The following PPARGC1B variants were observed in gnomAD, a reference collection of about 807,000 sequenced individuals.
PPARGC1B encodes the protein PPARG coactivator 1 beta.
Under a neutral mutation model 101.6 loss-of-function variants are expected in PPARGC1B, and 34 were observed. That is an observed-to-expected ratio of 0.33 (90% CI 0.25 to 0.45). The LOEUF is 0.45. Ranked by LOEUF, PPARGC1B falls within the 20% of genes least tolerant of loss-of-function variation. The probability of loss-of-function intolerance (pLI) is 1.00; values close to 1 mark genes in which losing one functional copy is unlikely to be tolerated. For missense variants in PPARGC1B, 1,234 were observed against 1,317.6 expected, an observed-to-expected ratio of 0.94 and a Z score of 0.98; for synonymous variants, 548 against 539.3, an observed-to-expected ratio of 1.02 and a Z score of -0.22.
chr5:149,776,631 T>A (rs948270883), intron 1 of PPARGC1B, among the ~76,000 whole-genome samples: 1 of 152,174 alleles, frequency 6.6e-6, no homozygotes, highest in African/African-American at 2.4e-5. Flanking sequence ...GGGTCGTTGG[T>A]GTCAGCTGCA....
At chr5:149,827,481 T>A (rs1344451078) in intron 3 of PPARGC1B, among the ~76,000 whole-genome samples, 2 of 152,252 alleles carry the variant, frequency 1.3e-5, no homozygotes, top group Non-Finnish European at 2.9e-5. Context: ...TTGGTAGGGT[T>A]TCACTGGTTC....
In PPARGC1B at chr5:149,835,255, G is replaced by A. The variant is rs142170945; in HGVS notation, c.1743-46G>A. 1.4e-4 allele frequency: 219 copies of A among 1,583,334 alleles called. 1 individual carries two copies. The African/African-American group carries it at 2.5e-3, about 18-fold the overall frequency. ...TTCATGGGCGGGGAGGTGGATGCCT[G>A]CTGCTGACTTGCTTCTTTCCTTTCT... On this transcript the variant is annotated intron_variant, in intron 6 of 11. Coordinates refer to ENST00000309241, the MANE Select transcript of PPARGC1B (RefSeq NM_133263.4).
chr5:149,833,363 G>C lies in PPARGC1B; in HGVS notation c.1290G>C (p.Glu430Asp), dbSNP rs146282311. ...VRRPARLQQQ[E>D]EEDEEEEEEE... ...GGCCTGCCAGACTGCAGCAGCAGGA[G>C]GAGGAAGACGAGGAAGAAGAGGAGG... Residue 430 changes from glutamate to aspartate, a missense_variant, in exon 5 of 12, where the codon GAG becomes GAC. Transcript: ENST00000309241. This position sits in a 1 kb window ranked among gnomAD's most constrained non-coding sequence, Gnocchi z 4.1. 3.3e-5 allele frequency: 54 copies of C among 1,613,378 alleles called. No individual in the cohort carries two copies. Among genetic ancestry groups the C allele is most frequent in the Non-Finnish European group, 3.6e-5 (43 of 1,180,010 alleles).
In PPARGC1B at chr5:149,847,585, C is replaced by T. The variant is rs993156493; in HGVS notation, c.*27C>T. The T allele has an allele frequency of 6.6e-7, 1 of 1,507,138 alleles. No individual in the cohort carries two copies. The highest frequency in any genetic ancestry group is 1.7e-5 in the Admixed American group (1 of 59,608). 93.4% of individuals were successfully genotyped at this position (1,507,138 alleles called of 1,614,324 possible). On this transcript the variant is annotated 3_prime_UTR_variant, in exon 12 of 12. Transcript: ENST00000309241. ...AACAGCCTTAACCCTCGAGGAATAC[C>T]TCAATACCTCAGACAAGGCCCTTCC...
intron 9 of PPARGC1B, 24 bp downstream of exon 9, chr5:149,840,140 C>T (rs761683112): frequency 2.5e-6 from 4 of 1,601,020 alleles, no homozygotes; most frequent in South Asian, 1.1e-5. Flanking sequence ...GGGCCCAGAG[C>T]CTGGAGTGAA....
chr5:149,742,972 G>A (rs955856039), intron 1 of PPARGC1B, among the ~76,000 whole-genome samples: 1 of 151,934 alleles, frequency 6.6e-6, no homozygotes, highest in Non-Finnish European at 1.5e-5. Context: ...AGAGGGCAGG[G>A]GGCTCAGAGT....
intron 10 of PPARGC1B, among the ~76,000 whole-genome samples, chr5:149,845,269 T>A (rs1759507177): frequency 1.3e-5 from 2 of 152,188 alleles, no homozygotes; most frequent in South Asian, 4.1e-4. Flanking sequence ...TGACTGAGGC[T>A]GGCTTTGAAG....
Position 149,830,751 on chromosome 5 carries a change from T to G in PPARGC1B, c.466-16T>G. On this transcript the variant is annotated splice_polypyrimidine_tract_variant and intron_variant, in intron 3 of 11. Coordinates refer to ENST00000309241, the MANE Select transcript of PPARGC1B (RefSeq NM_133263.4). Reference sequence around the variant, plus strand: ...TGGCTCAGCCCCGGCTCCTGTCCTCTCTGCTTTTCCCTCAGCTGCAGAAGC... The same window carrying G: ...TGGCTCAGCCCCGGCTCCTGTCCTCGCTGCTTTTCCCTCAGCTGCAGAAGC... 2 of 1,599,602 alleles carry G rather than the reference T, an allele frequency of 1.3e-6. No homozygotes were observed. Among genetic ancestry groups the G allele is most frequent in the Non-Finnish European group, 1.7e-6 (2 of 1,166,802 alleles).
At chr5:149,843,949 C>T (rs1309600963) in intron 10 of PPARGC1B, among the ~76,000 whole-genome samples, 2 of 152,118 alleles carry the variant, frequency 1.3e-5, no homozygotes, top group African/African-American at 4.8e-5. Context: ...TAGTCTATTT[C>T]GTCGAAACAG....
At chr5:149,765,353 G>A (rs553713373) in intron 1 of PPARGC1B, among the ~76,000 whole-genome samples, 2 of 152,324 alleles carry the variant, frequency 1.3e-5, no homozygotes, top group East Asian at 3.9e-4. Context: ...CCCGAGCTCA[G>A]GCCTAGCCCG....
In PPARGC1B at chr5:149,848,535, T is replaced by C. The variant is rs1561644827; in HGVS notation, c.*977T>C. The C allele has an allele frequency of 6.6e-6, 1 of 152,222 alleles. No homozygotes were observed. The highest frequency in any genetic ancestry group is 1.5e-5 in the Non-Finnish European group (1 of 68,046). 9.4% of individuals were successfully genotyped at this position (152,222 alleles called of 1,614,324 possible). Reference sequence around the variant, plus strand: ...ACTGGTAGAGGTGAGTTCGGCTAAATTGGGCACCGGGCTAGAAGCCTAAGG... The same window carrying C: ...ACTGGTAGAGGTGAGTTCGGCTAAACTGGGCACCGGGCTAGAAGCCTAAGG... On this transcript the variant is annotated 3_prime_UTR_variant, in exon 12 of 12. Coordinates refer to ENST00000309241, the MANE Select transcript of PPARGC1B (RefSeq NM_133263.4).
intron 1 of PPARGC1B, among the ~76,000 whole-genome samples, chr5:149,807,586 C>G (rs1330430049): frequency 6.6e-6 from 1 of 152,180 alleles, no homozygotes; most frequent in Non-Finnish European, 1.5e-5. Context: ...ATTTCACTAA[C>G]TTCACTCCTT....
At chr5:149,842,184 G>A (rs1444486264) in intron 9 of PPARGC1B, 72 bp from the exon 10 acceptor site, 4 of 1,584,660 alleles carry the variant, frequency 2.5e-6, no homozygotes, top group African/African-American at 2.7e-5. Flanking sequence ...GACTCCACGG[G>A]AGCCCACTCC....
At chr5:149,813,840 T>C (rs1412999960) in intron 1 of PPARGC1B, among the ~76,000 whole-genome samples, 1 of 152,200 alleles carries the variant, frequency 6.6e-6, no homozygotes, top group Admixed American at 6.5e-5. Flanking sequence ...TTGTATCTGG[T>C]GAGGACGCAT....
chr5:149,769,965 C>A (rs1216258942), intron 1 of PPARGC1B, among the ~76,000 whole-genome samples: 1 of 152,076 alleles, frequency 6.6e-6, no homozygotes, highest in Admixed American at 6.5e-5. Context: ...GTCCCTTTTG[C>A]CCTGTAAGGT....
chr5:149,778,534 A>T (rs1235938063), intron 1 of PPARGC1B, among the ~76,000 whole-genome samples: 2 of 152,106 alleles, frequency 1.3e-5, no homozygotes, highest in Non-Finnish European at 2.9e-5. Flanking sequence ...CACAGTCCTC[A>T]TGACCTCCCA....
rs1759370574 is a variant in PPARGC1B at position 149,842,194 on chromosome 5, C to T, written c.2695-62C>T. On this transcript the variant is annotated intron_variant, in intron 9 of 11. Coordinates refer to ENST00000309241, the MANE Select transcript of PPARGC1B (RefSeq NM_133263.4). The stretch of plus-strand genomic sequence containing the variant: ...ACAAGGACTCCACGGGAGCCCACTC[C>T]CAGAGGGGCCCCAGGAAGCCAGGCA... 6 of 1,595,236 alleles carry T rather than the reference C, an allele frequency of 3.8e-6. No individual in the cohort carries two copies. The Admixed American group carries it at 8.4e-5, about 22-fold the overall frequency.
chr5:149,737,241 G>A (rs1754750965), intron 1 of PPARGC1B, among the ~76,000 whole-genome samples: 1 of 152,060 alleles, frequency 6.6e-6, no homozygotes. Context: ...TGGCTTGATA[G>A]CTTAGCTCTC....
chr5:149,750,887 A>G (rs1174650754), intron 1 of PPARGC1B, among the ~76,000 whole-genome samples: 1 of 152,252 alleles, frequency 6.6e-6, no homozygotes, highest in Non-Finnish European at 1.5e-5. Context: ...AGCCTGGAAG[A>G]CAGGATCTGT....
Sources: allele counts gnomAD v4.1 joint callset (sites outside exome capture counted in the v4.1 genomes callset), GRCh38; gene constraint gnomAD v4.1.1; non-coding constraint Gnocchi (gnomAD v3.1); transcripts MANE v1.5; gene names NCBI Gene and HGNC (gene_info 2026-07-23, HGNC 2026-07-21).